Variants in STARD13 observed in about 807,000 individuals in gnomAD.
STARD13 encodes StAR related lipid transfer domain containing 13.
A neutral mutation model predicts 106.4 loss-of-function variants in STARD13; 62 were observed. The ratio of observed to expected loss-of-function variants is 0.58; its 90% CI spans 0.48 to 0.72. The LOEUF (loss-of-function observed/expected upper bound fraction) is 0.72, where lower values mean the gene tolerates loss of function less well. Among genes scored for constraint, STARD13 ranks in the 30% least tolerant of loss-of-function variants. STARD13 has a pLI of 0.00. For synonymous variants in STARD13, 565 were observed against 553.0 expected (o/e 1.02, Z -0.31); for missense variants, 1,387 against 1,424.0 (o/e 0.97, Z 0.42).
At chr13:33,611,934 T>A in the STARD13 span, among the ~76,000 whole-genome samples, 1 of 152,170 alleles carries the variant, frequency 6.6e-6, no homozygotes, top group Non-Finnish European at 1.5e-5. Flanking sequence ...AAAGTTTATA[T>A]TTTTTGCTGA....
At chr13:33,558,927 A>G in the STARD13 span, among the ~76,000 whole-genome samples, 1 of 151,614 alleles carries the variant, frequency 6.6e-6, no homozygotes, top group South Asian at 2.1e-4. Flanking sequence ...TAACCAAGTT[A>G]CTCATCTGGA....
chr13:33,624,381 G>A, the STARD13 span, among the ~76,000 whole-genome samples: 19 of 152,338 alleles, frequency 1.2e-4, no homozygotes, highest in East Asian at 1.9e-3. Flanking sequence ...GCCCCGCTGC[G>A]GGCAGAGTGA....
chr13:33,558,239 G>A, the STARD13 span, among the ~76,000 whole-genome samples: 3 of 152,016 alleles, frequency 2.0e-5, no homozygotes, highest in Non-Finnish European at 4.4e-5. Context: ...TACCTGCAAG[G>A]TACATACCTC....
chr13:33,396,410 GA>G, the STARD13 span, among the ~76,000 whole-genome samples: 330 of 152,092 alleles, frequency 2.2e-3, no homozygotes, highest in African/African-American at 7.8e-3. Context: ...TTCAAAGAAG[GA>G]CTTCCATAAT....
intron 1 of STARD13, among the ~76,000 whole-genome samples, chr13:33,219,277 G>A (rs1365800605): frequency 6.6e-6 from 1 of 151,870 alleles, no homozygotes; most frequent in African/African-American, 2.4e-5. Context: ...TTTGAGTTGG[G>A]TTCCTGCTGA....
the STARD13 span, among the ~76,000 whole-genome samples, chr13:33,629,683 C>G: frequency 6.6e-6 from 1 of 152,104 alleles, no homozygotes; most frequent in Non-Finnish European, 1.5e-5. Context: ...AGCATATAAC[C>G]TATAAGCTGG....
chr13:33,579,206 G>A, the STARD13 span, among the ~76,000 whole-genome samples: 1 of 152,120 alleles, frequency 6.6e-6, no homozygotes, highest in Non-Finnish European at 1.5e-5. Flanking sequence ...GCATGTGTGT[G>A]TTTATCGCAG....
intron 1 of STARD13, among the ~76,000 whole-genome samples, chr13:33,300,346 A>G (rs1444188578): frequency 6.6e-6 from 1 of 152,208 alleles, no homozygotes; most frequent in African/African-American, 2.4e-5. Flanking sequence ...AAGTATAGAG[A>G]TAGAATAGGC....
At chr13:33,423,659 G>A in the STARD13 span, among the ~76,000 whole-genome samples, 9 of 152,318 alleles carry the variant, frequency 5.9e-5, no homozygotes, top group South Asian at 1.9e-3. Context: ...GTTTATTGCA[G>A]CACTAGTCAC....
At chr13:33,301,522 T>C (rs1892707230) in intron 1 of STARD13, among the ~76,000 whole-genome samples, 1 of 151,922 alleles carries the variant, frequency 6.6e-6, no homozygotes, top group South Asian at 2.1e-4. Context: ...CCAATCAAGT[T>C]CTTCTGCAGG....
intron 1 of STARD13, among the ~76,000 whole-genome samples, chr13:33,174,512 A>G (rs1051331021): frequency 3.3e-5 from 5 of 152,056 alleles, no homozygotes; most frequent in Non-Finnish European, 7.4e-5. Context: ...CCCTAACCCA[A>G]CCACCTTTCC....
At chr13:33,194,920 A>T (rs563784632) in intron 1 of STARD13, among the ~76,000 whole-genome samples, 1 of 152,244 alleles carries the variant, frequency 6.6e-6, no homozygotes. Flanking sequence ...TACACATACC[A>T]ATATGTTATG....
chr13:33,241,884 T>C (rs1889529795), intron 1 of STARD13, among the ~76,000 whole-genome samples: 1 of 152,156 alleles, frequency 6.6e-6, no homozygotes, highest in South Asian at 2.1e-4. Context: ...TGATCTAGGC[T>C]CACTACAACC....
intron 3 of STARD13, among the ~76,000 whole-genome samples, chr13:33,146,899 C>T (rs1034801967): frequency 5.3e-5 from 8 of 152,178 alleles, no homozygotes; most frequent in Non-Finnish European, 8.8e-5. Context: ...ACAGCATCAC[C>T]GTCAGAGTAG....
intron 1 of STARD13, among the ~76,000 whole-genome samples, chr13:33,309,549 T>C (rs550437837): frequency 6.6e-6 from 1 of 152,230 alleles, no homozygotes; most frequent in Admixed American, 6.5e-5. Flanking sequence ...GGCAGAAGGT[T>C]TGCAAGGAGG....
At chr13:33,182,915 T>G (rs797211) in intron 1 of STARD13, among the ~76,000 whole-genome samples, 1 of 152,076 alleles carries the variant, frequency 6.6e-6, no homozygotes. Context: ...CTGGCCTCTG[T>G]GTGCTTCTGG....
At chr13:33,286,736 A>C (rs1410119171), upstream of STARD13, among the ~76,000 whole-genome samples, 2 of 152,126 alleles carry the variant, frequency 1.3e-5, no homozygotes, top group African/African-American at 4.8e-5. Context: ...TGATAGGCAG[A>C]GGCTGGGGAG....
chr13:33,127,260 G>T, intron 6 of STARD13, 113 bp downstream of exon 6: 1 of 1,191,476 alleles, frequency 8.4e-7, no homozygotes, highest in Non-Finnish European at 1.1e-6. Flanking sequence ...GAGATCATCA[G>T]TGAAGGCAAT....
chr13:33,627,397 G>A, the STARD13 span, among the ~76,000 whole-genome samples: 10 of 152,170 alleles, frequency 6.6e-5, no homozygotes, highest in South Asian at 1.2e-3. Flanking sequence ...CCAGCACTTC[G>A]GGAGGCTGAG....
Sources: allele counts gnomAD v4.1 joint callset (sites outside exome capture counted in the v4.1 genomes callset), GRCh38; gene constraint gnomAD v4.1.1; transcripts MANE v1.5; gene names NCBI Gene and HGNC (gene_info 2026-07-23, HGNC 2026-07-21).